The following GALNT9 variants were observed in gnomAD, a reference collection of about 807,000 sequenced individuals.
GALNT9 encodes the protein GalNAc transferase 9.
In GALNT9, 47 loss-of-function variants were observed where a neutral mutation model predicts 63.1. The observed-to-expected ratio is 0.75, with a 90% CI of 0.59 to 0.95. GALNT9 has a LOEUF of 0.95. GALNT9 is among the 40% of genes least tolerant of loss of function. The probability of loss-of-function intolerance (pLI) is 0.00; values close to 1 mark genes in which losing one functional copy is unlikely to be tolerated. For synonymous variants in GALNT9, 396 were observed against 365.7 expected, an observed-to-expected ratio of 1.08 and a Z score of -0.94; for missense variants, 829 against 874.8, an observed-to-expected ratio of 0.95 and a Z score of 0.66.
intron 7 of GALNT9, 21 bp from the exon 8 acceptor site, chr12:132,201,282 G>A (rs745403205): frequency 7.0e-6 from 11 of 1,580,332 alleles, no homozygotes; most frequent in East Asian, 6.7e-5. Flanking sequence ...AGAAGTAGGT[G>A]AGAGGGTACA....
In GALNT9 at chr12:132,245,400, C is replaced by A. The variant is rs1878670906; in HGVS notation, c.1077+2510G>T. Among the ~76,000 whole-genome samples, 1 of 152,120 alleles carries A rather than the reference C, an allele frequency of 6.6e-6. No homozygotes were observed. The highest frequency in any genetic ancestry group is 2.1e-4 in the South Asian group (1 of 4,828). Reference sequence around the variant, plus strand: ...GAGGTTGCAGTGAGCAGAGATCGTGCCACTGCACTCCAGCCTGGGCAACAG... The same window carrying A: ...GAGGTTGCAGTGAGCAGAGATCGTGACACTGCACTCCAGCCTGGGCAACAG... On this transcript the variant is annotated intron_variant, in intron 6 of 10. Coordinates refer to ENST00000328957, the MANE Select transcript of GALNT9 (RefSeq NM_001122636.2). The surrounding 1 kb of genome is among the most constrained non-coding windows in gnomAD (Gnocchi z 6.3).
chr12:132,260,890 G>A, intron 4 of GALNT9, 58 bp downstream of exon 4: 1 of 1,461,262 alleles, frequency 6.8e-7, no homozygotes, highest in Non-Finnish European at 9.0e-7. Flanking sequence ...CGGCTTAGGA[G>A]GGGGATGGTG....
rs1593082875 is a variant in GALNT9, at chr12:132,246,662, A to G, written c.1077+1248T>C. Among the ~76,000 whole-genome samples the G allele has an allele frequency of 6.6e-6, 1 of 152,120 alleles. No individual in the cohort carries two copies. The highest frequency in any genetic ancestry group is 1.5e-5 in the Non-Finnish European group (1 of 68,026). ...ATTCTCCTGCCTCAGCCTCCTGAGT[A>G]GCTGGGATTATAGGCATGCACCACC... is the stretch of plus-strand genomic sequence containing the variant. On this transcript the variant is annotated intron_variant, in intron 6 of 10. Coordinates refer to ENST00000328957, the MANE Select transcript of GALNT9 (RefSeq NM_001122636.2). This position sits in a 1 kb window ranked among gnomAD's most constrained non-coding sequence, Gnocchi z 4.7.
intron 1 of GALNT9, among the ~76,000 whole-genome samples, chr12:132,308,404 C>G (rs1443299326): frequency 4.6e-5 from 7 of 152,256 alleles, no homozygotes; most frequent in African/African-American, 7.2e-5. Flanking sequence ...CCGAAACACC[C>G]TGCCCCGGGC....
intron 6 of GALNT9, among the ~76,000 whole-genome samples, chr12:132,239,641 CAGAGACAGAGTCAGAGACAGAG>C (rs1233599704): frequency 2.4e-5 from 2 of 82,724 alleles, no homozygotes; most frequent in African/African-American, 5.9e-5. Flanking sequence ...GAGACAGAGT[CAGAGACAGAGTCAGAGACAGAG>C]AGAGACAGAG....
chr12:132,284,981 A>G (rs1439543400), intron 2 of GALNT9, among the ~76,000 whole-genome samples: 1 of 152,210 alleles, frequency 6.6e-6, no homozygotes, highest in African/African-American at 2.4e-5. Flanking sequence ...CCACTGCCTG[A>G]GTCACAAGGA....
At chr12:132,255,804 C>G (rs1299975595) in intron 5 of GALNT9, among the ~76,000 whole-genome samples, 1 of 152,214 alleles carries the variant, frequency 6.6e-6, no homozygotes, top group African/African-American at 2.4e-5. Flanking sequence ...GCATGGAACG[C>G]AGGGGCACCG....
At chr12:132,202,971 C>T (rs1294054085) in intron 7 of GALNT9, among the ~76,000 whole-genome samples, 4 of 152,286 alleles carry the variant, frequency 2.6e-5, no homozygotes, top group South Asian at 2.1e-4. Flanking sequence ...CATCCACGGA[C>T]GAGTGGATCC....
Position 132,286,277 on chromosome 12 carries a change from C to G in GALNT9, c.392G>C (p.Arg131Pro). The G allele has an allele frequency of 6.4e-7, 1 of 1,551,084 alleles. No individual in the cohort carries two copies. The highest frequency in any genetic ancestry group is 8.7e-7 in the Non-Finnish European group (1 of 1,146,812). ...TCTGGGCCGGTAGTCGGGGATGCTC[C>G]GATCGAGGGAGATGCGGTCGCTGAG... is the stretch of plus-strand genomic sequence containing the variant. ...AQLSDRISLD[R>P]SIPDYRPRKC... The change falls in exon 2 of 11, where the codon CGG becomes CCG. Residue 131 changes from arginine (R) to proline (P), a missense_variant. By Grantham distance (103) the Arg-to-Pro change is moderately radical. Transcript: ENST00000328957. This position sits in a 1 kb window ranked among gnomAD's most constrained non-coding sequence, Gnocchi z 7.4.
At chr12:132,300,218 A>T (rs1555243716) in intron 1 of GALNT9, among the ~76,000 whole-genome samples, 2 of 148,078 alleles carry the variant, frequency 1.4e-5, no homozygotes, top group African/African-American at 5.0e-5. Context: ...CATCCCTGAG[A>T]TAACCAAGCC....
intron 1 of GALNT9, among the ~76,000 whole-genome samples, chr12:132,304,445 ACC>A (rs1881476973): frequency 2.3e-5 from 1 of 43,262 alleles, no homozygotes; most frequent in Non-Finnish European, 4.3e-5. Flanking sequence ...GCCCGGGCAC[ACC>A]CTCGCCCGGG....
intron 6 of GALNT9, among the ~76,000 whole-genome samples, chr12:132,206,414 G>C (rs147701945): frequency 6.6e-6 from 1 of 151,030 alleles, no homozygotes; most frequent in South Asian, 2.1e-4. Context: ...TTGGGAGGCC[G>C]AGGTGGGTGG....
intron 5 of GALNT9, among the ~76,000 whole-genome samples, chr12:132,250,931 G>A (rs1878892336): frequency 1.3e-5 from 2 of 152,198 alleles, no homozygotes; most frequent in South Asian, 4.1e-4. Context: ...TGCACAGGGA[G>A]GCCTAGTGAG....
Position 132,327,436 on chromosome 12 carries a change from AG to A in GALNT9, c.238+1529del, listed in dbSNP as rs1555246586. On this transcript the variant is annotated intron_variant, in intron 1 of 10. Coordinates refer to ENST00000328957, the MANE Select transcript of GALNT9 (RefSeq NM_001122636.2). The surrounding 1 kb of genome is among the most constrained non-coding windows in gnomAD (Gnocchi z 4.3). Reference sequence around the variant, plus strand: ...GGGTGAGGCAGGGAAAACGACTCACAGGGCCGAGCTGCCCTCGTGGTGTTAC... The same window carrying A: ...GGGTGAGGCAGGGAAAACGACTCACAGGCCGAGCTGCCCTCGTGGTGTTAC... Among the ~76,000 whole-genome samples the A allele has an allele frequency of 6.6e-6, 1 of 151,944 alleles. No homozygotes were observed. The highest frequency in any genetic ancestry group is 1.5e-5 in the Non-Finnish European group (1 of 68,012).
intron 6 of GALNT9, among the ~76,000 whole-genome samples, 180 bp from the exon 7 acceptor site, chr12:132,203,870 C>T (rs1481315328): frequency 1.3e-5 from 2 of 152,082 alleles, no homozygotes; most frequent in Admixed American, 6.5e-5. Flanking sequence ...GGGGACCCCG[C>T]CCACAGAGAA....
rs1461955075 is a variant in GALNT9 at position 132,310,525 on chromosome 12, C to T, written c.238+18441G>A. Among the ~76,000 whole-genome samples the T allele has an allele frequency of 6.6e-6, 1 of 152,276 alleles. No individual in the cohort carries two copies. The highest frequency in any genetic ancestry group is 1.9e-4 in the East Asian group (1 of 5,190). On this transcript the variant is annotated intron_variant, in intron 1 of 10. Transcript: ENST00000328957. This position sits in a 1 kb window ranked among gnomAD's most constrained non-coding sequence, Gnocchi z 4.8. ...GCCGGCTTCCTCTGTGTCCCTGCCCCCTGAAGAGTCATTTCACACTTGGCC... is the reference window on the plus strand; with the variant it reads ...GCCGGCTTCCTCTGTGTCCCTGCCCTCTGAAGAGTCATTTCACACTTGGCC...
At chr12:132,322,696 T>A (rs895255775) in intron 1 of GALNT9, among the ~76,000 whole-genome samples, 5 of 152,014 alleles carry the variant, frequency 3.3e-5, no homozygotes, top group African/African-American at 1.2e-4. Flanking sequence ...AGGATGGAGG[T>A]GGGAGCAGGC....
rs745851728 is a variant in GALNT9 at position 132,197,225 on chromosome 12, C to T, written c.1694G>A (p.Gly565Asp). Residue 565 changes from glycine to aspartate, a missense_variant, in exon 11 of 11, where the codon GGC becomes GAC. Gly to Asp is a moderately conservative substitution (Grantham distance 94). Coordinates refer to ENST00000328957, the MANE Select transcript of GALNT9 (RefSeq NM_001122636.2). Reference sequence around the variant, plus strand: ...GGACATCTCCACCTCCAGGCAGCGGCCCGTGGCCCGGCTCACAATGGGGCC... The same window carrying T: ...GGACATCTCCACCTCCAGGCAGCGGTCCGTGGCCCGGCTCACAATGGGGCC... ...QSGPIVSRATGRCLEVEMSKD... is the reference protein window; with the variant it reads ...QSGPIVSRATDRCLEVEMSKD... The T allele has an allele frequency of 2.5e-6, 4 of 1,613,372 alleles. No homozygotes were observed. Among genetic ancestry groups the T allele is most frequent in the Non-Finnish European group, 3.4e-6 (4 of 1,179,998 alleles).
rs1555239255 is a variant in GALNT9 at position 132,257,791 on chromosome 12, T to C, written c.857A>G (p.Gln286Arg). ...GTAGCCATGGGCGGCGTTCGCATACTGCTGCACCTCAAACGTGCTGTACTT... is the reference window on the plus strand; with the variant it reads ...GTAGCCATGGGCGGCGTTCGCATACCGCTGCACCTCAAACGTGCTGTACTT... ...NIKYSTFEVQ[Q>R]YANAAHGYNW... The change falls in exon 5 of 11, where the codon CAG becomes CGG. Residue 286 changes from glutamine to arginine, a missense_variant. Coordinates refer to ENST00000328957, the MANE Select transcript of GALNT9 (RefSeq NM_001122636.2). The C allele has an allele frequency of 6.4e-7, 1 of 1,550,468 alleles. No homozygotes were observed.
Sources: allele counts gnomAD v4.1 joint callset (sites outside exome capture counted in the v4.1 genomes callset), GRCh38; gene constraint gnomAD v4.1.1; non-coding constraint Gnocchi (gnomAD v3.1); transcripts MANE v1.5; gene names NCBI Gene and HGNC (gene_info 2026-07-23, HGNC 2026-07-21).